The following COQ8A variants were observed in gnomAD, a reference collection of about 807,000 sequenced individuals.
The protein encoded by COQ8A is atypical kinase COQ8A, mitochondrial.
Under a neutral mutation model 65.0 loss-of-function variants are expected in COQ8A, and 51 were observed. The ratio of observed to expected loss-of-function variants is 0.78; its 90% CI spans 0.63 to 0.99. The LOEUF (loss-of-function observed/expected upper bound fraction) is 0.99, where lower values mean the gene tolerates loss of function less well. Ranked by LOEUF, COQ8A falls within the 50% of genes least tolerant of loss-of-function variation. The probability of loss-of-function intolerance (pLI) is 0.00; values close to 1 mark genes in which losing one functional copy is unlikely to be tolerated. For missense variants in COQ8A, 940 were observed against 875.0 expected (o/e 1.07, Z -0.94); for synonymous variants, 371 against 353.2 (o/e 1.05, Z -0.57).
chr1:226,946,000 G>A (rs530193779), intron 1 of COQ8A, among the ~76,000 whole-genome samples: 6 of 152,188 alleles, frequency 3.9e-5, no homozygotes, highest in East Asian at 3.9e-4. Flanking sequence ...CAGCCTCCTC[G>A]GTGGTCTCTT....
At chr1:226,965,504 T>C in intron 3 of COQ8A, 94 bp downstream of exon 3, 1 of 1,550,116 alleles carries the variant, frequency 6.5e-7, no homozygotes, top group South Asian at 1.2e-5. Context: ...CTGGGTGCTG[T>C]GGTCTGGGGT....
intron 1 of COQ8A, among the ~76,000 whole-genome samples, 180 bp from the exon 2 acceptor site, chr1:226,961,197 C>T (rs1319441825): frequency 6.6e-6 from 1 of 152,190 alleles, no homozygotes; most frequent in Non-Finnish European, 1.5e-5. Flanking sequence ...CCTGGAGTGT[C>T]CAGAGTCACG....
chr1:226,985,796 G>A (rs945474681), intron 14 of COQ8A, among the ~76,000 whole-genome samples: 1 of 152,224 alleles, frequency 6.6e-6, no homozygotes, highest in African/African-American at 2.4e-5. Context: ...AGTGGGGAAG[G>A]AGTTAAAGAA....
chr1:226,982,990 T>C lies in COQ8A; in HGVS notation c.1036T>C (p.Leu346=), dbSNP rs1456034239. The C allele has an allele frequency of 5.0e-6, 8 of 1,600,436 alleles. No homozygotes were observed. Among genetic ancestry groups the C allele is most frequent in the Non-Finnish European group, 6.0e-6 (7 of 1,174,224 alleles). The part of the protein sequence containing the change: ...FAAASIGQVH[L]ARMKGGREVA... ...CGCCGCATCCATTGGGCAGGTGCAC[T>C]TGGCCCGAATGAAGGGCGGCCGCGA... Residue 346 remains leucine (L), a synonymous_variant, in exon 8 of 15, where the codon TTG becomes CTG. Coordinates refer to ENST00000366777, the MANE Select transcript of COQ8A (RefSeq NM_020247.5).
At chr1:226,944,996 A>G (rs1656942399) in intron 1 of COQ8A, among the ~76,000 whole-genome samples, 1 of 152,058 alleles carries the variant, frequency 6.6e-6, no homozygotes, top group South Asian at 2.1e-4. Context: ...CTTACCTCTC[A>G]CTATTTCATA....
At chr1:226,982,520 C>T (rs543221618) in intron 6 of COQ8A, 158 bp from the exon 7 acceptor site, 27 of 826,310 alleles carry the variant, frequency 3.3e-5, no homozygotes, top group Middle Eastern at 6.7e-4. Flanking sequence ...GCTGAGTGGC[C>T]GAGGGCGTGT....
intron 1 of COQ8A, among the ~76,000 whole-genome samples, chr1:226,950,902 A>G (rs994965716): frequency 8.6e-5 from 13 of 151,856 alleles, no homozygotes; most frequent in African/African-American, 2.9e-4. Flanking sequence ...TTTCAAGGGA[A>G]CTTGAAGTCC....
intron 10 of COQ8A, 43 bp downstream of exon 10, chr1:226,983,897 G>C (rs550615581): frequency 1.3e-6 from 2 of 1,592,040 alleles, no homozygotes; most frequent in African/African-American, 2.7e-5. Flanking sequence ...GCACCAGGGA[G>C]GCAGAAGGGA....
At chr1:226,983,199 G>A (rs1659826439) in intron 8 of COQ8A, 165 bp downstream of exon 8, 1 of 1,123,146 alleles carries the variant, frequency 8.9e-7, no homozygotes, top group African/African-American at 1.6e-5. Flanking sequence ...GGCACCAGAA[G>A]CTTGGGAAGT....
chr1:226,980,768 G>A (rs1014803125), intron 5 of COQ8A, among the ~76,000 whole-genome samples: 2 of 152,238 alleles, frequency 1.3e-5, no homozygotes, highest in Non-Finnish European at 2.9e-5. Flanking sequence ...CCCTTTCCAC[G>A]TAGCTGCCTG....
At chr1:226,982,613 C>T (rs754192690) in intron 6 of COQ8A, 65 bp from the exon 7 acceptor site, 47 of 1,560,878 alleles carry the variant, frequency 3.0e-5, no homozygotes, top group Admixed American at 5.0e-5. Context: ...GGAGTGTGCC[C>T]GCCCAGGTCC....
intron 1 of COQ8A, among the ~76,000 whole-genome samples, chr1:226,951,136 C>T (rs937452175): frequency 6.6e-6 from 1 of 152,212 alleles, no homozygotes; most frequent in Admixed American, 6.5e-5. Context: ...CAGCAGCGTG[C>T]GTCCCTGTCT....
chr1:226,946,169 G>A lies in COQ8A; in HGVS notation c.-10+5770G>A, dbSNP rs1421720167. On this transcript the variant is annotated intron_variant, in intron 1 of 14. Coordinates refer to ENST00000366777, the MANE Select transcript of COQ8A (RefSeq NM_020247.5). The surrounding 1 kb of genome is among the most constrained non-coding windows in gnomAD (Gnocchi z 5.3). ...TGGGAAAGAGAGGGCCCCTCCCTCCGGAGCTTACCTTGCAGTAAGGGAAAT... is the reference window on the plus strand; with the variant it reads ...TGGGAAAGAGAGGGCCCCTCCCTCCAGAGCTTACCTTGCAGTAAGGGAAAT... 1.3e-5 allele frequency among the ~76,000 whole-genome samples: 2 copies of A among 152,162 alleles called. No individual in the cohort carries two copies. Among genetic ancestry groups the A allele is most frequent in the South Asian group, 2.1e-4 (1 of 4,828 alleles).
At chr1:226,955,412 C>A (rs1035440151) in intron 1 of COQ8A, among the ~76,000 whole-genome samples, 1 of 149,906 alleles carries the variant, frequency 6.7e-6, no homozygotes, top group Non-Finnish European at 1.5e-5. Flanking sequence ...CTGCCACTCT[C>A]CCTGGCTGCC....
intron 1 of COQ8A, among the ~76,000 whole-genome samples, chr1:226,944,526 G>A (rs1656880273): frequency 6.6e-6 from 1 of 151,892 alleles, no homozygotes. Context: ...AAGGGTCTGA[G>A]AGATGTGGCC....
intron 1 of COQ8A, among the ~76,000 whole-genome samples, chr1:226,960,754 A>G (rs1291607600): frequency 6.6e-6 from 1 of 151,988 alleles, no homozygotes; most frequent in African/African-American, 2.4e-5. Flanking sequence ...GGTTTGGTGA[A>G]TAGTTGAAGC....
chr1:226,957,611 A>T (rs1270808548), intron 1 of COQ8A, among the ~76,000 whole-genome samples: 1 of 152,102 alleles, frequency 6.6e-6, no homozygotes, highest in East Asian at 1.9e-4. Flanking sequence ...TGTATAAGGG[A>T]TCCTCAGAGT....
intron 1 of COQ8A, among the ~76,000 whole-genome samples, chr1:226,947,601 G>A (rs1042237984): frequency 6.6e-6 from 1 of 152,124 alleles, no homozygotes; most frequent in African/African-American, 2.4e-5. Flanking sequence ...GAGGTCGGGG[G>A]TTCGAGACCA....
At chr1:226,986,411 T>C (rs944270685) in intron 14 of COQ8A, 42 bp from the exon 15 acceptor site, 10 of 1,605,112 alleles carry the variant, frequency 6.2e-6, no homozygotes, top group Non-Finnish European at 8.5e-6. Context: ...GGTGGAGGGC[T>C]CTGGTGTCTC....
Sources: allele counts gnomAD v4.1 joint callset (sites outside exome capture counted in the v4.1 genomes callset), GRCh38; gene constraint gnomAD v4.1.1; non-coding constraint Gnocchi (gnomAD v3.1); transcripts MANE v1.5; gene names NCBI Gene and HGNC (gene_info 2026-07-23, HGNC 2026-07-21).